The following PID1 variants were observed in gnomAD, a reference collection of about 807,000 sequenced individuals.
PID1 encodes PTB-containing, cubilin and LRP1-interacting protein.
A neutral mutation model predicts 19.1 loss-of-function variants in PID1; 10 were observed. The ratio of observed to expected loss-of-function variants is 0.52; its 90% confidence interval spans 0.32 to 0.89. PID1 has a LOEUF of 0.89. Ranked by LOEUF, PID1 falls within the 40% of genes least tolerant of loss-of-function variation. PID1 has a pLI of 0.03. For synonymous variants in PID1, 130 were observed against 116.0 expected (o/e 1.12, Z -0.78); for missense variants, 248 against 285.3 (o/e 0.87, Z 0.94).
At position 229,200,089 on chromosome 2, in the gene PID1, G is replaced by A. The variant is rs187048663; in HGVS notation, c.31-44125C>T. Among the ~76,000 whole-genome samples, 309 of 152,012 alleles carry A rather than the reference G, an allele frequency of 2.0e-3. 2 individuals are homozygous for A. The highest frequency in any genetic ancestry group is 7.0e-3 in the African/African-American group (292 of 41,486). ...TAAGAGAACTTGAAGAAGGCAATTT[G>A]GTTCGTTTGTGAGGCTATTGAACTA... On this transcript the variant is annotated intron_variant, in intron 1 of 2. Coordinates refer to ENST00000392055, the MANE Select transcript of PID1 (RefSeq NM_001100818.2).
intron 2 of PID1, among the ~76,000 whole-genome samples, chr2:229,034,271 G>C (rs1215236114): frequency 6.6e-6 from 1 of 152,144 alleles, no homozygotes; most frequent in African/African-American, 2.4e-5. Flanking sequence ...TCACTAACAG[G>C]AACAGAACCA....
intron 2 of PID1, among the ~76,000 whole-genome samples, chr2:229,152,906 A>G (rs1690287204): frequency 6.6e-6 from 1 of 152,186 alleles, no homozygotes; most frequent in East Asian, 1.9e-4. Flanking sequence ...TATTAGGAAA[A>G]AAGAGTGACT....
chr2:229,105,572 G>A (rs1292560164), intron 2 of PID1, among the ~76,000 whole-genome samples: 3 of 152,222 alleles, frequency 2.0e-5, no homozygotes, highest in Non-Finnish European at 4.4e-5. Context: ...CACCTGCTGA[G>A]TACTGTCAGT....
intron 2 of PID1, among the ~76,000 whole-genome samples, chr2:229,093,219 G>A (rs1171305982): frequency 1.3e-5 from 2 of 150,850 alleles, no homozygotes; most frequent in African/African-American, 4.9e-5. Flanking sequence ...CCACCTCCGG[G>A]TTCAAGTGGT....
At chr2:229,057,910 C>A (rs1240481751) in intron 2 of PID1, among the ~76,000 whole-genome samples, 5 of 152,186 alleles carry the variant, frequency 3.3e-5, no homozygotes, top group Admixed American at 3.3e-4. Flanking sequence ...GTATTCGATA[C>A]ATGTCAGAAA....
chr2:229,204,157 G>A (rs1574718835), intron 1 of PID1, among the ~76,000 whole-genome samples: 1 of 152,034 alleles, frequency 6.6e-6, no homozygotes, highest in African/African-American at 2.4e-5. Context: ...CTTTAAAATG[G>A]CAAGAGGAGG....
chr2:229,141,263 T>A (rs1690005791), intron 2 of PID1, among the ~76,000 whole-genome samples: 1 of 152,164 alleles, frequency 6.6e-6, no homozygotes. Context: ...TGAAGCTCCC[T>A]TTCCCTGGAG....
chr2:229,234,611 G>C (rs1419223072), intron 1 of PID1, among the ~76,000 whole-genome samples: 1 of 152,168 alleles, frequency 6.6e-6, no homozygotes, highest in Non-Finnish European at 1.5e-5. Context: ...ATCATTTTAA[G>C]CCAATAAATG....
At chr2:229,066,030 T>C (rs751448514) in intron 2 of PID1, among the ~76,000 whole-genome samples, 2 of 152,184 alleles carry the variant, frequency 1.3e-5, no homozygotes, top group Non-Finnish European at 2.9e-5. Flanking sequence ...TTTCTACTTC[T>C]AACACAATTG....
chr2:229,218,877 G>A (rs1691906144), intron 1 of PID1, among the ~76,000 whole-genome samples: 1 of 152,152 alleles, frequency 6.6e-6, no homozygotes, highest in African/African-American at 2.4e-5. Flanking sequence ...CCTCTGTATG[G>A]ATCTGCATAA....
intron 2 of PID1, among the ~76,000 whole-genome samples, chr2:229,112,331 ATGAT>A (rs1355079029): frequency 4.6e-5 from 7 of 152,186 alleles, no homozygotes; most frequent in Non-Finnish European, 5.9e-5. Flanking sequence ...AATGCCATTG[ATGAT>A]TGTTTTGCCA....
At chr2:229,251,884 C>A (rs566145946) in intron 1 of PID1, among the ~76,000 whole-genome samples, 46 of 141,110 alleles carry the variant, frequency 3.3e-4, no homozygotes, top group African/African-American at 1.2e-3. Flanking sequence ...TCATCTATAA[C>A]CCAATAAATA....
intron 1 of PID1, among the ~76,000 whole-genome samples, chr2:229,268,967 T>G (rs552601979): frequency 9.3e-4 from 142 of 152,220 alleles, no homozygotes; most frequent in Middle Eastern, 3.4e-3. Context: ...ACATATAAAT[T>G]ATGTGTTTTC....
At chr2:229,142,513 T>C (rs1490329975) in intron 2 of PID1, among the ~76,000 whole-genome samples, 1 of 152,106 alleles carries the variant, frequency 6.6e-6, no homozygotes, top group Non-Finnish European at 1.5e-5. Context: ...TATGGCAGTT[T>C]TAGAAAGCCC....
In PID1 at chr2:229,111,358, T is replaced by C. The variant is rs567699838; in HGVS notation, c.177+44460A>G. Among the ~76,000 whole-genome samples the C allele has an allele frequency of 5.9e-5, 9 of 152,326 alleles. No individual in the cohort carries two copies. The South Asian group carries it at 1.7e-3, about 28-fold the overall frequency. ...GGAAAGAAGTTCCAAATAAAAGTACTGAGGAATGTCCTGTACATCTACATT... is the reference window on the plus strand; with the variant it reads ...GGAAAGAAGTTCCAAATAAAAGTACCGAGGAATGTCCTGTACATCTACATT... On this transcript the variant is annotated intron_variant, in intron 2 of 2. Transcript: ENST00000392055.
intron 2 of PID1, among the ~76,000 whole-genome samples, chr2:229,148,348 A>T (rs1442702175): frequency 6.6e-6 from 1 of 152,186 alleles, no homozygotes; most frequent in African/African-American, 2.4e-5. Context: ...GTATTTGAAC[A>T]TATATTTAAA....
chr2:229,195,506 A>C (rs916299121), intron 1 of PID1, among the ~76,000 whole-genome samples: 1 of 151,760 alleles, frequency 6.6e-6, no homozygotes, highest in African/African-American at 2.4e-5. Context: ...TTTTTTCCTT[A>C]AACACTAGGA....
At chr2:229,059,574 C>G (rs984545807) in intron 2 of PID1, among the ~76,000 whole-genome samples, 1 of 152,164 alleles carries the variant, frequency 6.6e-6, no homozygotes. Context: ...CCAAAATTTT[C>G]TGAATCTAAT....
intron 1 of PID1, among the ~76,000 whole-genome samples, chr2:229,187,463 C>G (rs536093267): frequency 6.6e-6 from 1 of 152,122 alleles, no homozygotes; most frequent in Non-Finnish European, 1.5e-5. Flanking sequence ...CTTACATGAA[C>G]GGCGGCAGGC....
Sources: allele counts gnomAD v4.1 joint callset (sites outside exome capture counted in the v4.1 genomes callset), GRCh38; gene constraint gnomAD v4.1.1; transcripts MANE v1.5; gene names NCBI Gene and HGNC (gene_info 2026-07-23, HGNC 2026-07-21).